The following IFI35 variants were observed in gnomAD, a reference collection of about 807,000 sequenced individuals.
IFI35 encodes interferon-induced 35 kDa protein.
Under a neutral mutation model 28.6 loss-of-function variants are expected in IFI35, and 30 were observed. That is an observed-to-expected ratio of 1.05 (90% CI 0.79 to 1.43). The LOEUF (loss-of-function observed/expected upper bound fraction) is 1.43. Ranked by LOEUF, IFI35 falls within the 40% of genes most tolerant of loss-of-function variation. The pLI is 0.00. For synonymous variants in IFI35, 146 were observed against 154.8 expected (o/e 0.94, Z 0.42); for missense variants, 372 against 356.9 (o/e 1.04, Z -0.34).
At chr17:43,014,078 G>A (rs1050244617) in intron 6 of IFI35, 30 bp from the exon 7 acceptor site, 1 of 1,607,100 alleles carries the variant, frequency 6.2e-7, no homozygotes, top group Admixed American at 1.7e-5. Flanking sequence ...TCTCCCATGA[G>A]CCTTTGCCAT....
In IFI35 at chr17:43,014,133, C is replaced by T. The variant is rs376408544; in HGVS notation, c.695C>T (p.Ser232Leu). 2.8e-5 allele frequency: 45 copies of T among 1,613,930 alleles called. No individual in the cohort carries two copies. Among genetic ancestry groups the T allele is most frequent in the Non-Finnish European group, 3.3e-5 (39 of 1,179,972 alleles). Reference protein sequence around the residue: ...AEIRSQPVPRSVLVLNIPDIL... With the variant: ...AEIRSQPVPRLVLVLNIPDIL... Reference sequence around the variant, plus strand: ...ATCAGGTCGCAGCCAGTTCCCCGCTCGGTACTGGTGCTCAACATTCCTGAT... The same window carrying T: ...ATCAGGTCGCAGCCAGTTCCCCGCTTGGTACTGGTGCTCAACATTCCTGAT... The change falls in exon 7 of 7, where the codon TCG becomes TTG. Residue 232 changes from serine to leucine, a missense_variant. Ser to Leu is a moderately radical substitution (Grantham distance 145). Transcript: ENST00000415816.
intron 6 of IFI35, 89 bp downstream of exon 6, chr17:43,013,971 A>G: frequency 7.9e-7 from 1 of 1,272,814 alleles, no homozygotes; most frequent in Non-Finnish European, 1.1e-6. Context: ...GAGGCCCCAA[A>G]CCCCACTGAC....
At chr17:43,009,066 G>T (rs11869496) in intron 1 of IFI35, among the ~76,000 whole-genome samples, 92,666 of 151,838 alleles carry the variant, frequency 0.61, 30,083 homozygotes, top group East Asian at 0.84. Context: ...CTGGATCATG[G>T]CTCACTGCAG....
intron 1 of IFI35, among the ~76,000 whole-genome samples, chr17:43,011,595 CTGT>C (rs1286284537): frequency 6.6e-6 from 1 of 152,032 alleles, no homozygotes; most frequent in African/African-American, 2.4e-5. Context: ...CTTAGATACC[CTGT>C]TGTTCTAAGA....
intron 1 of IFI35, 169 bp from the exon 2 acceptor site, chr17:43,012,010 G>A (rs2050463041): frequency 4.5e-6 from 2 of 448,922 alleles, no homozygotes; most frequent in Admixed American, 3.7e-5. Context: ...CCAAGCCCTG[G>A]GTGGAGGGGG....
At chr17:43,007,930 A>G (rs568747100) in intron 1 of IFI35, among the ~76,000 whole-genome samples, 1 of 149,554 alleles carries the variant, frequency 6.7e-6, no homozygotes, top group African/African-American at 2.5e-5. Flanking sequence ...AACACGGTAA[A>G]AACTTATCCC....
chr17:43,010,561 C>T (rs1021360137), intron 1 of IFI35, among the ~76,000 whole-genome samples: 2 of 152,172 alleles, frequency 1.3e-5, no homozygotes, highest in Non-Finnish European at 2.9e-5. Context: ...ATCCAACTGG[C>T]CCTTAAAGGC....
intron 2 of IFI35, 59 bp from the exon 3 acceptor site, chr17:43,012,988 A>G: frequency 6.5e-7 from 1 of 1,533,436 alleles, no homozygotes; most frequent in Non-Finnish European, 8.9e-7. Context: ...ATGGAATCGG[A>G]GATGCCTTCC....
At position 43,006,863 on chromosome 17, in the gene IFI35, G is replaced by C; in HGVS notation, c.-85G>C. ...GAGAGAGACCACAGCCCTTTGGGGG[G>C]TACAAACAAGAGTTCAGTTGCTGTG... On this transcript the variant is annotated 5_prime_UTR_variant, in exon 1 of 7. Coordinates refer to ENST00000415816, the MANE Select transcript of IFI35 (RefSeq NM_001330230.2). The C allele has an allele frequency of 6.8e-7, 1 of 1,460,062 alleles. No individual in the cohort carries two copies. The highest frequency in any genetic ancestry group is 2.3e-5 in the East Asian group (1 of 44,106). 90.4% of individuals were successfully genotyped at this position (1,460,062 alleles called of 1,614,324 possible).
At chr17:43,013,421 T>C in intron 4 of IFI35, 48 bp downstream of exon 4, 1 of 1,609,554 alleles carries the variant, frequency 6.2e-7, no homozygotes, top group Non-Finnish European at 8.5e-7. Context: ...GCCATGCACC[T>C]GGGCATGGGG....
intron 1 of IFI35, among the ~76,000 whole-genome samples, chr17:43,010,007 G>T (rs1396328221): frequency 6.6e-6 from 1 of 151,696 alleles, no homozygotes; most frequent in Non-Finnish European, 1.5e-5. Flanking sequence ...AGGCTAAGAC[G>T]GGCAGATCAT....
At position 43,014,143 on chromosome 17, in the gene IFI35, G is replaced by A. The variant is rs200840389; in HGVS notation, c.705G>A (p.Val235=). Residue 235 remains valine, a synonymous_variant, in exon 7 of 7, where the codon GTG becomes GTA. Coordinates refer to ENST00000415816, the MANE Select transcript of IFI35 (RefSeq NM_001330230.2). ...AGCCAGTTCCCCGCTCGGTACTGGT[G>A]CTCAACATTCCTGATATCTTGGATG... ...RSQPVPRSVL[V]LNIPDILDGP... 1.2e-6 allele frequency: 2 copies of A among 1,614,094 alleles called. No homozygotes were observed. Among genetic ancestry groups the A allele is most frequent in the African/African-American group, 1.3e-5 (1 of 75,034 alleles).
At chr17:43,013,980 A>C in intron 6 of IFI35, 98 bp downstream of exon 6, 1 of 1,275,112 alleles carries the variant, frequency 7.8e-7, no homozygotes, top group Non-Finnish European at 1.1e-6. Flanking sequence ...AACCCCACTG[A>C]CCTACCTACC....
intron 1 of IFI35, among the ~76,000 whole-genome samples, chr17:43,007,260 T>C (rs1227616132): frequency 6.6e-6 from 1 of 152,148 alleles, no homozygotes; most frequent in East Asian, 1.9e-4. Flanking sequence ...ATAACAATTG[T>C]TCTAGGCCGG....
chr17:43,006,961 T>C lies in IFI35; in HGVS notation c.14T>C (p.Leu5Pro), dbSNP rs1269604750. Residue 5 changes from leucine (L) to proline (P), a missense_variant, in exon 1 of 7, where the codon CTG (leucine) becomes CCG (proline). Coordinates refer to ENST00000415816, the MANE Select transcript of IFI35 (RefSeq NM_001330230.2). MSAP[L>P]DAALHALQEE... ...GACCCGAGACCCATGTCAGCCCCACTGGATGCCGTAAGTGAGGAGGAGGGA... is the reference window on the plus strand; with the variant it reads ...GACCCGAGACCCATGTCAGCCCCACCGGATGCCGTAAGTGAGGAGGAGGGA... 1.2e-6 allele frequency: 2 copies of C among 1,614,034 alleles called. No individual in the cohort carries two copies. The highest frequency in any genetic ancestry group is 1.1e-5 in the South Asian group (1 of 91,074).
chr17:43,009,204 G>C (rs963509729), intron 1 of IFI35, among the ~76,000 whole-genome samples: 2 of 151,400 alleles, frequency 1.3e-5, no homozygotes, highest in Admixed American at 6.6e-5. Flanking sequence ...TTGTCCTGTT[G>C]CCCAGGCTGG....
At chr17:43,012,470 G>C in intron 2 of IFI35, 193 bp downstream of exon 2, 1 of 416,430 alleles carries the variant, frequency 2.4e-6, no homozygotes, top group Non-Finnish European at 4.4e-6. Context: ...GCCGGGCGCA[G>C]TGGCTCACGC....
intron 2 of IFI35, 168 bp from the exon 3 acceptor site, chr17:43,012,879 G>A (rs2050473851): frequency 2.8e-6 from 2 of 714,702 alleles, no homozygotes; most frequent in Non-Finnish European, 4.8e-6. Flanking sequence ...GATGTTGTAT[G>A]TAAATTGCCC....
rs145839312 is a variant in IFI35, at chr17:43,012,839, T to C, written c.121-208T>C. 1.2e-3 allele frequency: 679 copies of C among 590,086 alleles called. 3 individuals carry two copies. The highest frequency in any genetic ancestry group is 0.011 in the African/African-American group (617 of 53,844). The allele number at this position is 590,086 out of a possible 1,614,324, so 36.6% of individuals were successfully genotyped here. A position where few individuals can be genotyped will look rare whatever the true frequency, so the allele number is the denominator to read the frequency against. ...TTATGTTACTTGAACATCTGTAAAGTAGAGCTACCCACCTCCCAGGACAAA... is the reference window on the plus strand; with the variant it reads ...TTATGTTACTTGAACATCTGTAAAGCAGAGCTACCCACCTCCCAGGACAAA... On this transcript the variant is annotated intron_variant, in intron 2 of 6. Coordinates refer to ENST00000415816, the MANE Select transcript of IFI35 (RefSeq NM_001330230.2).
Sources: gnomAD v4.1 joint callset for allele counts (sites outside exome capture counted in the v4.1 genomes callset) on GRCh38, gnomAD v4.1.1 for gene constraint, MANE v1.5 for transcripts, NCBI Gene and HGNC (gene_info 2026-07-23, HGNC 2026-07-21) for gene names.